FNIP2: variants seen among roughly 807,000 people sequenced by gnomAD.
The protein encoded by FNIP2 is folliculin interacting protein 2.
FNIP2 carries 32 observed loss-of-function variants against 108.7 expected under a neutral mutation model. The ratio of observed to expected loss-of-function variants is 0.29; its 90% CI spans 0.22 to 0.40. FNIP2 has a LOEUF of 0.40. Among genes scored for constraint, FNIP2 ranks in the 10% least tolerant of loss-of-function variants. The pLI, the probability that FNIP2 is intolerant of heterozygous loss-of-function variation, is 1.00. For missense variants in FNIP2, 1,202 were observed against 1,381.6 expected, an observed-to-expected ratio of 0.87 and a Z score of 2.06; for synonymous variants, 480 against 496.7, an observed-to-expected ratio of 0.97 and a Z score of 0.45.
intron 1 of FNIP2, among the ~76,000 whole-genome samples, chr4:158,803,791 G>T (rs1464718121): frequency 2.0e-5 from 3 of 152,196 alleles, no homozygotes; most frequent in African/African-American, 7.2e-5. Flanking sequence ...GATATTAAAA[G>T]CCTCTATGGG....
chr4:158,859,355 G>C (rs1475147695), intron 9 of FNIP2, 97 bp downstream of exon 9: 1 of 1,349,276 alleles, frequency 7.4e-7, no homozygotes, highest in Non-Finnish European at 1.0e-6. Context: ...TCTTTCCTAA[G>C]GAAGTTAAAT....
At chr4:158,778,991 G>T (rs781193309) in intron 1 of FNIP2, among the ~76,000 whole-genome samples, 1 of 152,190 alleles carries the variant, frequency 6.6e-6, no homozygotes, top group African/African-American at 2.4e-5. Flanking sequence ...ATATGATAGC[G>T]GCTGTTTAGT....
chr4:158,805,411 A>G (rs542282936), intron 1 of FNIP2, among the ~76,000 whole-genome samples: 1 of 152,348 alleles, frequency 6.6e-6, no homozygotes, highest in Admixed American at 6.5e-5. Context: ...CAGATGAAGA[A>G]TATTAGTGTC....
intron 1 of FNIP2, among the ~76,000 whole-genome samples, chr4:158,781,974 A>G (rs1394882463): frequency 6.6e-6 from 1 of 152,108 alleles, no homozygotes; most frequent in Non-Finnish European, 1.5e-5. Context: ...GATAATACCT[A>G]TCAATCCTAC....
chr4:158,857,380 G>A (rs1359134560), intron 8 of FNIP2, among the ~76,000 whole-genome samples: 1 of 152,192 alleles, frequency 6.6e-6, no homozygotes. Flanking sequence ...GTAAAGAAGA[G>A]AGAACATTGT....
rs771684629 is a variant in FNIP2, at chr4:158,833,508, C to T, written c.555-20C>T. ...CGTTTTTGTCCTCTTTCTCCTTTTC[C>T]CCCCCATCTCCGGATATAGCTTGCA... On this transcript the variant is annotated intron_variant, in intron 5 of 16. Coordinates refer to ENST00000264433, the MANE Select transcript of FNIP2 (RefSeq NM_020840.3). The T allele has an allele frequency of 2.0e-6, 3 of 1,505,110 alleles. No homozygotes were observed. The highest frequency in any genetic ancestry group is 2.7e-6 in the Non-Finnish European group (3 of 1,109,790). The allele number at this position is 1,505,110 out of a possible 1,614,324, so 93.2% of individuals were successfully genotyped here.
At chr4:158,791,448 G>A (rs1776417851) in intron 1 of FNIP2, among the ~76,000 whole-genome samples, 1 of 151,546 alleles carries the variant, frequency 6.6e-6, no homozygotes, top group Non-Finnish European at 1.5e-5. Flanking sequence ...CATGCCCGGG[G>A]CTAAGTTTTG....
intron 1 of FNIP2, among the ~76,000 whole-genome samples, chr4:158,771,047 A>G (rs1775682650): frequency 6.6e-6 from 1 of 152,220 alleles, no homozygotes; most frequent in Admixed American, 6.5e-5. Context: ...ACTTCATGGG[A>G]ACATTTTCAG....
At chr4:158,792,095 C>T (rs1024907610) in intron 1 of FNIP2, among the ~76,000 whole-genome samples, 8 of 152,102 alleles carry the variant, frequency 5.3e-5, no homozygotes, top group African/African-American at 7.2e-5. Context: ...CAGAGCAAGA[C>T]GCTGTCTCAA....
chr4:158,860,871 G>T (rs1007008911), intron 10 of FNIP2, among the ~76,000 whole-genome samples: 7 of 152,024 alleles, frequency 4.6e-5, no homozygotes, highest in Non-Finnish European at 8.8e-5. Flanking sequence ...TGGCCAGAAT[G>T]TTCTCTATCT....
intron 1 of FNIP2, among the ~76,000 whole-genome samples, chr4:158,780,310 A>AT (rs1351073053): frequency 6.6e-6 from 1 of 152,242 alleles, no homozygotes; most frequent in African/African-American, 2.4e-5. Context: ...TGAAGACATA[A>AT]TTGTAGAATA....
intron 7 of FNIP2, chr4:158,836,662 A>G (rs1778820433): frequency 6.6e-6 from 1 of 151,240 alleles, no homozygotes; most frequent in South Asian, 2.1e-4. Context: ...AAAAAAAGAA[A>G]GAAATTAGCC....
chr4:158,888,540 C>A (rs768534616), intron 14 of FNIP2, among the ~76,000 whole-genome samples: 10 of 152,184 alleles, frequency 6.6e-5, no homozygotes, highest in Admixed American at 2.6e-4. Flanking sequence ...TTGTCTCAAT[C>A]TGTGTACTCA....
chr4:158,893,788 A>G, intron 15 of FNIP2: 1 of 1,014,864 alleles, frequency 9.9e-7, no homozygotes, highest in South Asian at 1.4e-5. Flanking sequence ...TTTATATTTC[A>G]TTCTATAATA....
chr4:158,898,471 C>T (rs1252473236), intron 16 of FNIP2, among the ~76,000 whole-genome samples: 1 of 152,174 alleles, frequency 6.6e-6, no homozygotes, highest in African/African-American at 2.4e-5. Context: ...TATCCATGAG[C>T]ATGGAATGTT....
intron 7 of FNIP2, among the ~76,000 whole-genome samples, chr4:158,837,641 A>G (rs1335958554): frequency 6.6e-6 from 1 of 152,224 alleles, no homozygotes; most frequent in Non-Finnish European, 1.5e-5. Flanking sequence ...ATTAAAGTAG[A>G]AAGTCAGATT....
intron 1 of FNIP2, among the ~76,000 whole-genome samples, chr4:158,785,087 C>CTTTTTTTTTTTTTTTT (rs397805773): frequency 8.1e-5 from 10 of 123,178 alleles, no homozygotes; most frequent in East Asian, 2.2e-4. Context: ...TAAAGTTCCT[C>CTTTTTTTTTTTTTTTT]TTTTTTTTTT....
At chr4:158,797,428 G>A (rs1776624507) in intron 1 of FNIP2, among the ~76,000 whole-genome samples, 1 of 152,186 alleles carries the variant, frequency 6.6e-6, no homozygotes, top group African/African-American at 2.4e-5. Flanking sequence ...TGCTGGGCAT[G>A]GTGGCTCACA....
intron 14 of FNIP2, among the ~76,000 whole-genome samples, chr4:158,889,411 G>A (rs560303997): frequency 1.2e-4 from 19 of 152,116 alleles, no homozygotes; most frequent in Non-Finnish European, 2.5e-4. Flanking sequence ...CCAGCAGTTA[G>A]TTGCTTAAAA....
Sources: allele counts gnomAD v4.1 joint callset (sites outside exome capture counted in the v4.1 genomes callset), GRCh38; gene constraint gnomAD v4.1.1; transcripts MANE v1.5; gene names NCBI Gene and HGNC (gene_info 2026-07-23, HGNC 2026-07-21).